Variants in AFTPH observed in about 807,000 individuals in gnomAD.
AFTPH encodes the protein aftiphilin protein.
A neutral mutation model predicts 72.5 loss-of-function variants in AFTPH; 7 were observed. The observed-to-expected ratio is 0.10, with a 90% CI of 0.05 to 0.18. AFTPH has a LOEUF of 0.18. Ranked by LOEUF, AFTPH falls within the 10% of genes least tolerant of loss-of-function variation. The pLI is 1.00. For synonymous variants in AFTPH, 337 were observed against 370.1 expected (o/e 0.91, Z 1.03); for missense variants, 979 against 1,060.5 (o/e 0.92, Z 1.07).
intron 6 of AFTPH, chr2:64,578,910 C>CA (rs1205184588): frequency 6.6e-6 from 1 of 152,220 alleles, no homozygotes; most frequent in East Asian, 1.9e-4. Context: ...TTCAGCAGCA[C>CA]ATTATAAAAT....
At chr2:64,582,286 T>C (rs1408859183) in intron 7 of AFTPH, among the ~76,000 whole-genome samples, 3 of 152,280 alleles carry the variant, frequency 2.0e-5, no homozygotes, top group Admixed American at 6.5e-5. Context: ...CTTCCAACAG[T>C]TGAGCAGCCA....
exon 2 of AFTPH, chr2:64,552,446 A>C (rs1380057136): frequency 6.2e-7 from 1 of 1,614,134 alleles, no homozygotes; most frequent in Admixed American, 1.7e-5. Flanking sequence ...AACAGGATGA[A>C]TTTTTACAGT....
At position 64,581,173 on chromosome 2, in the gene AFTPH, G is replaced by T. The variant is rs748088454; in HGVS notation, c.2455+1627G>T. The T allele has an allele frequency of 6.3e-7, 1 of 1,575,782 alleles. No individual in the cohort carries two copies. The highest frequency in any genetic ancestry group is 8.6e-7 in the Non-Finnish European group (1 of 1,160,090). The stretch of plus-strand genomic sequence containing the variant: ...CTTCTGTGTGGCTGCCTACCAACAC[G>T]GTCACTGAATTTCAAGCTAGTGGAG... On this transcript the variant is annotated intron_variant, in intron 7 of 8. Coordinates refer to ENST00000238856, the Ensembl canonical transcript of AFTPH.
At chr2:64,569,732 A>G (rs374078375) in intron 5 of AFTPH, 53 bp downstream of exon 5, 28 of 1,510,708 alleles carry the variant, frequency 1.9e-5, no homozygotes, top group African/African-American at 2.8e-5. Flanking sequence ...TCTATTCTGT[A>G]AAATCATCTT....
chr2:64,562,088 A>G (rs1293675829), intron 2 of AFTPH, among the ~76,000 whole-genome samples: 1 of 152,148 alleles, frequency 6.6e-6, no homozygotes, highest in African/African-American at 2.4e-5. Context: ...TTCCTGAACT[A>G]TAGTTTCTTC....
intron 7 of AFTPH, among the ~76,000 whole-genome samples, chr2:64,582,429 G>C (rs1270652801): frequency 1.3e-5 from 2 of 152,172 alleles, no homozygotes; most frequent in Non-Finnish European, 2.9e-5. Flanking sequence ...GGTATAGAAT[G>C]ACTGGATTCC....
chr2:64,537,078 C>T (rs377624180), intron 1 of AFTPH, among the ~76,000 whole-genome samples: 183 of 151,770 alleles, frequency 1.2e-3, no homozygotes, highest in African/African-American at 4.2e-3. Context: ...TTAATGGCTG[C>T]ACTTTTTATT....
chr2:64,529,640 T>A (rs943203305), intron 1 of AFTPH, among the ~76,000 whole-genome samples: 4 of 151,502 alleles, frequency 2.6e-5, no homozygotes, highest in African/African-American at 9.7e-5. Flanking sequence ...TCACTTTTTT[T>A]TTTTTTTGAG....
At chr2:64,551,074 T>C (rs1361328776) in intron 1 of AFTPH, among the ~76,000 whole-genome samples, 1 of 152,190 alleles carries the variant, frequency 6.6e-6, no homozygotes, top group Non-Finnish European at 1.5e-5. Context: ...CTTAATGAAT[T>C]GAAGGAGAAC....
At chr2:64,579,185 AT>A (rs1043023989) in intron 6 of AFTPH, among the ~76,000 whole-genome samples, 1 of 152,150 alleles carries the variant, frequency 6.6e-6, no homozygotes, top group African/African-American at 2.4e-5. Context: ...TGAAATCATG[AT>A]TTGAGAATAG....
chr2:64,547,202 T>C (rs532404893), intron 1 of AFTPH, among the ~76,000 whole-genome samples: 8 of 152,350 alleles, frequency 5.3e-5, no homozygotes, highest in African/African-American at 1.9e-4. Flanking sequence ...GACCAAGTGC[T>C]GCGTTTACTT....
At chr2:64,526,879 A>C (rs1669303513) in intron 1 of AFTPH, among the ~76,000 whole-genome samples, 1 of 152,256 alleles carries the variant, frequency 6.6e-6, no homozygotes, top group Non-Finnish European at 1.5e-5. Context: ...AAGTAGTAGT[A>C]TCCCTCATTT....
rs554714646 is a variant in AFTPH at position 64,569,000 on chromosome 2, T to C, written c.2088-92T>C. On this transcript the variant is annotated intron_variant, in intron 3 of 8. Coordinates refer to ENST00000238856, the Ensembl canonical transcript of AFTPH. ...ACGTTGGACCCAAGAGTAAATGGAA[T>C]GTGTGTTATGTCACAGCCATATTAT... 7.7e-5 allele frequency: 104 copies of C among 1,355,002 alleles called. No individual in the cohort carries two copies. The African/African-American group carries it at 1.3e-3, about 17-fold the overall frequency. The allele number at this position is 1,355,002 out of a possible 1,614,324, so 83.9% of individuals were successfully genotyped here. A position where few individuals can be genotyped will look rare whatever the true frequency, so the allele number is the denominator to read the frequency against.
rs374912539 is a variant in AFTPH, at chr2:64,552,659, C to T, written c.1185C>T (p.Ser395=). The T allele has an allele frequency of 1.0e-4, 161 of 1,614,158 alleles. No homozygotes were observed. The Middle Eastern group carries it at 1.5e-3, about 15-fold the overall frequency. Residue 395 remains serine, a synonymous_variant, in exon 2 of 9, where the codon AGC becomes AGT. Transcript: ENST00000238856. ...GTAGAAAGTTTACTAATTTCCAAAG[C>T]CCAAACATTGACCCCACAGAAGAAA...
chr2:64,575,224 T>C (rs1332372953), intron 6 of AFTPH, among the ~76,000 whole-genome samples: 2 of 152,178 alleles, frequency 1.3e-5, no homozygotes, highest in East Asian at 3.8e-4. Context: ...AAAAAAGTAG[T>C]CCAGATGACC....
At chr2:64,585,685 G>A in intron 8 of AFTPH, 140 bp downstream of exon 9, 1 of 868,358 alleles carries the variant, frequency 1.2e-6, no homozygotes, top group Non-Finnish European at 1.7e-6. Context: ...CCCAAGTCCA[G>A]AAAATATTAT....
At chr2:64,528,827 G>A (rs1369056308) in intron 1 of AFTPH, among the ~76,000 whole-genome samples, 1 of 152,136 alleles carries the variant, frequency 6.6e-6, no homozygotes, top group Non-Finnish European at 1.5e-5. Context: ...TAATGACTTA[G>A]GCTTTTTACT....
At chr2:64,528,786 G>T (rs956607193) in intron 1 of AFTPH, among the ~76,000 whole-genome samples, 1 of 151,978 alleles carries the variant, frequency 6.6e-6, no homozygotes, top group Non-Finnish European at 1.5e-5. Context: ...AGGGTGAGAG[G>T]GGCAGTGTTT....
chr2:64,529,067 G>A (rs1007274484), intron 1 of AFTPH, among the ~76,000 whole-genome samples: 3 of 152,094 alleles, frequency 2.0e-5, no homozygotes, highest in Non-Finnish European at 2.9e-5. Context: ...TTCTTGAATT[G>A]GAATCTGCAA....
Sources: gnomAD v4.1 joint callset for allele counts (sites outside exome capture counted in the v4.1 genomes callset) on GRCh38, gnomAD v4.1.1 for gene constraint, MANE v1.5 for transcripts, NCBI Gene and HGNC (gene_info 2026-07-23, HGNC 2026-07-21) for gene names.